The following CYTH1 variants were observed in gnomAD, a reference collection of about 807,000 sequenced individuals.
The protein encoded by CYTH1 is cytohesin-1.
CYTH1 carries 18 observed loss-of-function variants against 61.8 expected under a neutral mutation model. The ratio of observed to expected loss-of-function variants is 0.29; its 90% CI spans 0.20 to 0.43. The LOEUF (loss-of-function observed/expected upper bound fraction) is 0.43, where lower values mean the gene tolerates loss of function less well. CYTH1 is among the 20% of genes least tolerant of loss of function. The pLI is 1.00. For missense variants in CYTH1, 336 were observed against 510.5 expected (o/e 0.66, Z 3.29); for synonymous variants, 174 against 184.3 (o/e 0.94, Z 0.45).
intron 1 of CYTH1, among the ~76,000 whole-genome samples, chr17:78,778,630 T>A: frequency 4.4e-5 from 4 of 90,680 alleles, no homozygotes; most frequent in South Asian, 4.2e-4. Flanking sequence ...ACAGTGAGAC[T>A]CCATCTCAAA....
chr17:78,705,403 C>A (rs760327210), intron 3 of CYTH1, among the ~76,000 whole-genome samples: 4 of 152,196 alleles, frequency 2.6e-5, no homozygotes, highest in Admixed American at 1.3e-4. Flanking sequence ...CCCCAGCCTA[C>A]ACAGGTCTGA....
At chr17:78,684,381 C>A (rs144307620) in intron 11 of CYTH1, among the ~76,000 whole-genome samples, 1 of 152,224 alleles carries the variant, frequency 6.6e-6, no homozygotes, top group Non-Finnish European at 1.5e-5. Context: ...ATTAAAAAGG[C>A]CCCTGCCTAG....
intron 1 of CYTH1, among the ~76,000 whole-genome samples, chr17:78,719,863 G>A (rs1224692950): frequency 6.6e-6 from 1 of 152,150 alleles, no homozygotes; most frequent in Non-Finnish European, 1.5e-5. Flanking sequence ...TCTACTTTGG[G>A]AAACCAATTA....
intron 10 of CYTH1, among the ~76,000 whole-genome samples, chr17:78,694,990 C>G (rs1278986595): frequency 6.6e-6 from 1 of 152,130 alleles, no homozygotes; most frequent in African/African-American, 2.4e-5. Flanking sequence ...TGCACGGCTC[C>G]TCAGGCCTCC....
intron 13 of CYTH1, among the ~76,000 whole-genome samples, chr17:78,678,622 T>C (rs565409053): frequency 6.6e-6 from 1 of 152,322 alleles, no homozygotes; most frequent in Admixed American, 6.5e-5. Context: ...AACACTGCTG[T>C]TTTCTTCCCC....
In CYTH1 at chr17:78,718,267, A is replaced by ACACG. The variant is rs2093199948; in HGVS notation, c.23-8536_23-8535insCGTG. On this transcript the variant is annotated intron_variant, in intron 1 of 13. Transcript: ENST00000446868. ...CACACACACACACACACACACACAC[A>ACACG]CGCTCCTTCTCTCTTAACCTTAAGC... Among the ~76,000 whole-genome samples the ACACG allele has an allele frequency of 2.9e-5, 4 of 136,886 alleles. 1 individual carries two copies. The allele number at this position is 136,886 out of a possible 152,430, so 89.8% of individuals were successfully genotyped here. A position where few individuals can be genotyped will look rare whatever the true frequency, so the allele number is the denominator to read the frequency against.
chr17:78,679,801 A>G (rs1440829503), intron 13 of CYTH1, among the ~76,000 whole-genome samples: 1 of 152,196 alleles, frequency 6.6e-6, no homozygotes, highest in Non-Finnish European at 1.5e-5. Context: ...TAGCTAGGAA[A>G]ATGGTGTCTC....
intron 1 of CYTH1, among the ~76,000 whole-genome samples, chr17:78,754,700 T>G (rs1166124001): frequency 6.6e-6 from 1 of 152,152 alleles, no homozygotes; most frequent in African/African-American, 2.4e-5. Context: ...GCATTTAGTT[T>G]GTGACTGAAG....
chr17:78,767,114 A>G (rs1357844016), intron 1 of CYTH1, among the ~76,000 whole-genome samples: 1 of 152,096 alleles, frequency 6.6e-6, no homozygotes, highest in African/African-American at 2.4e-5. Flanking sequence ...AGTGACACCT[A>G]CTCTGGCATG....
chr17:78,689,605 C>T (rs1205682315), intron 11 of CYTH1, among the ~76,000 whole-genome samples: 1 of 152,100 alleles, frequency 6.6e-6, no homozygotes, highest in Non-Finnish European at 1.5e-5. Flanking sequence ...TGGCCTGGCT[C>T]GTAACAGGCC....
chr17:78,696,522 TAC>T (rs1252098962), intron 9 of CYTH1, among the ~76,000 whole-genome samples: 5 of 152,242 alleles, frequency 3.3e-5, no homozygotes, highest in African/African-American at 1.2e-4. Flanking sequence ...TACACACAGC[TAC>T]AGACGGCTGG....
At chr17:78,695,627 G>A (rs1336997768) in intron 10 of CYTH1, among the ~76,000 whole-genome samples, 5 of 152,012 alleles carry the variant, frequency 3.3e-5, no homozygotes, top group Non-Finnish European at 5.9e-5. Flanking sequence ...TCTTCCCCAC[G>A]TCAGAGATTA....
chr17:78,741,835 G>C (rs2093343158), intron 1 of CYTH1, among the ~76,000 whole-genome samples: 1 of 152,214 alleles, frequency 6.6e-6, no homozygotes, highest in Non-Finnish European at 1.5e-5. Flanking sequence ...CAGCAGGATG[G>C]AGCCGGACAG....
At chr17:78,735,314 C>G (rs2093315651) in intron 1 of CYTH1, among the ~76,000 whole-genome samples, 1 of 152,140 alleles carries the variant, frequency 6.6e-6, no homozygotes, top group Admixed American at 6.5e-5. Flanking sequence ...CTAGGCTCAC[C>G]CGGAAGGACC....
intron 1 of CYTH1, among the ~76,000 whole-genome samples, chr17:78,735,879 C>T (rs1459384905): frequency 6.6e-6 from 1 of 152,188 alleles, no homozygotes; most frequent in Non-Finnish European, 1.5e-5. Flanking sequence ...CAATAAAACA[C>T]ACACACATCC....
intron 11 of CYTH1, among the ~76,000 whole-genome samples, chr17:78,683,391 A>T (rs2092783694): frequency 6.6e-6 from 1 of 152,196 alleles, no homozygotes; most frequent in Non-Finnish European, 1.5e-5. Flanking sequence ...GAAGACTAAG[A>T]GCTGACTGGG....
At chr17:78,677,166 T>TGAC (rs1208181383) in intron 13 of CYTH1, 3 of 436,546 alleles carry the variant, frequency 6.9e-6, no homozygotes, top group Non-Finnish European at 1.4e-5. Flanking sequence ...GGAAGCGGTC[T>TGAC]GACCACCTGA....
intron 1 of CYTH1, among the ~76,000 whole-genome samples, chr17:78,710,442 C>G (rs184878352): frequency 7.2e-4 from 109 of 152,264 alleles, no homozygotes; most frequent in African/African-American, 2.4e-3. Context: ...TTCTGCCATC[C>G]TCCAATGGCT....
At chr17:78,711,327 A>ACG (rs1287191315) in intron 1 of CYTH1, among the ~76,000 whole-genome samples, 133 of 151,100 alleles carry the variant, frequency 8.8e-4, no homozygotes, top group Non-Finnish European at 1.6e-3. Context: ...ACACACACAC[A>ACG]CACACACACA....
Sources: allele counts gnomAD v4.1 joint callset (sites outside exome capture counted in the v4.1 genomes callset), GRCh38; gene constraint gnomAD v4.1.1; transcripts MANE v1.5; gene names NCBI Gene and HGNC (gene_info 2026-07-23, HGNC 2026-07-21).